Variants in STS observed in about 807,000 individuals in gnomAD.
The protein encoded by STS is steryl-sulfatase.
In STS, 7 loss-of-function variants were observed where a neutral mutation model predicts 26.8. That is an observed-to-expected ratio of 0.26 (90% CI 0.15 to 0.49). The LOEUF is 0.49. Ranked by LOEUF, STS falls within the 20% of genes least tolerant of loss-of-function variation. The pLI, the probability that STS is intolerant of heterozygous loss-of-function variation, is 0.98. For missense variants in STS, 434 were observed against 465.6 expected, an observed-to-expected ratio of 0.93 and a Z score of 0.63; for synonymous variants, 199 against 189.4, an observed-to-expected ratio of 1.05 and a Z score of -0.42.
intron 10 of STS, 116 bp from the exon 11 acceptor site, chrX:7,349,772 T>G: frequency 4.8e-6 from 5 of 1,032,347 alleles, no homozygotes; most frequent in Non-Finnish European, 6.8e-6. Flanking sequence ...TGCAGCCTTA[T>G]GATATCTTCA....
At chrX:7,223,173 A>G (rs1921650245) in intron 2 of STS, among the ~76,000 whole-genome samples, 2 of 111,627 alleles carry the variant, frequency 1.8e-5, no homozygotes, top group Non-Finnish European at 3.8e-5. Flanking sequence ...GGTTGATTCC[A>G]TATCTTTGGT....
chrX:7,269,466 A>C (rs746292264), intron 6 of STS, among the ~76,000 whole-genome samples: 1 of 108,303 alleles, frequency 9.2e-6, no homozygotes, highest in Admixed American at 1.0e-4. Flanking sequence ...TCTTTCTGGG[A>C]GCAAATTCTG....
chrX:7,177,903 G>A (rs1448110015), intron 1 of STS, among the ~76,000 whole-genome samples: 1 of 110,970 alleles, frequency 9.0e-6, no homozygotes, highest in Non-Finnish European at 1.9e-5. Context: ...GGGCTCAAGT[G>A]ATTCTTTCAC....
At chrX:7,153,313 C>T (rs1336878106) in intron 1 of STS, among the ~76,000 whole-genome samples, 2 of 98,538 alleles carry the variant, frequency 2.0e-5, no homozygotes, top group Admixed American at 1.1e-4. Context: ...CTCTCCTTCC[C>T]TCCCTTCCTT....
At position 7,354,210 on chromosome X, in the gene STS, G is replaced by A. The variant is rs1189456491; in HGVS notation, c.*3949G>A. The A allele has an allele frequency of 1.8e-5, 2 of 111,012 alleles. No individual in the cohort carries two copies. Among genetic ancestry groups the A allele is most frequent in the Non-Finnish European group, 3.8e-5 (2 of 53,000 alleles). The allele number at this position is 111,012 out of a possible 1,213,427, so 9.1% of individuals were successfully genotyped here. A position where few individuals can be genotyped will look rare whatever the true frequency, so the allele number is the denominator to read the frequency against. ...CCTTCAGCTAGAATCCTGTTAGGTCGGTTTAGATGAATGCTCCCTGATATT... is the reference window on the plus strand; with the variant it reads ...CCTTCAGCTAGAATCCTGTTAGGTCAGTTTAGATGAATGCTCCCTGATATT... On this transcript the variant is annotated 3_prime_UTR_variant, in exon 11 of 11. Transcript: ENST00000674429.
chrX:7,324,669 G>C (rs1258491149), intron 8 of STS, among the ~76,000 whole-genome samples: 2 of 111,525 alleles, frequency 1.8e-5, no homozygotes, highest in African/African-American at 6.5e-5. Flanking sequence ...AATTCCAAAA[G>C]AAGGAGGGTA....
At chrX:7,251,418 G>A (rs1003524652) in intron 2 of STS, among the ~76,000 whole-genome samples, 4 of 111,743 alleles carry the variant, frequency 3.6e-5, no homozygotes, top group Non-Finnish European at 7.5e-5. Flanking sequence ...GATGTCCAGT[G>A]TCCTTAGTGA....
In STS at chrX:7,225,524, G is replaced by C. The variant is rs144613477; in HGVS notation, c.-4-27672G>C. On this transcript the variant is annotated intron_variant, in intron 2 of 10. Transcript: ENST00000674429. ...AACACATATGAAGTGTTGCCTACAA[G>C]GGAAGCTGGTTAGAGACTCAGTGCC... is the stretch of plus-strand genomic sequence containing the variant. 7.2e-5 allele frequency among the ~76,000 whole-genome samples: 8 copies of C among 111,798 alleles called. No individual in the cohort carries two copies. The East Asian group carries it at 2.0e-3, about 28-fold the overall frequency.
chrX:7,320,712 G>A (rs1472868824), intron 8 of STS, among the ~76,000 whole-genome samples: 3 of 111,575 alleles, frequency 2.7e-5, no homozygotes, highest in African/African-American at 6.5e-5. Context: ...AATGAACTAC[G>A]GCAAAGTAGT....
At chrX:7,292,918 A>T (rs1413459198) in intron 7 of STS, among the ~76,000 whole-genome samples, 1 of 111,184 alleles carries the variant, frequency 9.0e-6, no homozygotes, top group Non-Finnish European at 1.9e-5. Context: ...ATGCTTCCTG[A>T]CTTCAAACTA....
At chrX:7,221,375 ACAGGCTCAGTAACCTCT>A (rs1446567658) in intron 2 of STS, among the ~76,000 whole-genome samples, 1 of 112,644 alleles carries the variant, frequency 8.9e-6, no homozygotes, top group East Asian at 2.8e-4. Flanking sequence ...GCTGTATAGC[ACAGGCTCAGTAACCTCT>A]CTGGTTCGGT....
In STS at chrX:7,289,517, C is replaced by G. The variant is rs182899821; in HGVS notation, c.943+13430C>G. Among the ~76,000 whole-genome samples, 218 of 111,452 alleles carry G rather than the reference C, an allele frequency of 2.0e-3. 1 individual carries two copies. Among genetic ancestry groups the G allele is most frequent in the African/African-American group, 6.5e-3 (199 of 30,681 alleles). On this transcript the variant is annotated intron_variant, in intron 7 of 10. Coordinates refer to ENST00000674429, the MANE Select transcript of STS (RefSeq NM_001320752.2). ...TTTGCTCCCACATGTCTTCCCCAAG[C>G]AGTGAGGAGGGAGCAGCTGGCTGGT...
intron 1 of STS, among the ~76,000 whole-genome samples, chrX:7,154,044 C>T (rs1252860546): frequency 1.8e-5 from 2 of 111,076 alleles, no homozygotes; most frequent in Non-Finnish European, 3.8e-5. Flanking sequence ...GTAGCTCCCT[C>T]TCTCCAGGAC....
At chrX:7,275,537 T>C (rs1924487663) in intron 6 of STS, among the ~76,000 whole-genome samples, 1 of 111,902 alleles carries the variant, frequency 8.9e-6, no homozygotes, top group Non-Finnish European at 1.9e-5. Context: ...TGTGTGTATG[T>C]GTATTTGTGT....
intron 2 of STS, among the ~76,000 whole-genome samples, chrX:7,238,121 GGTGTGTGTGTGTGTGTGTGT>G (rs55819541): frequency 4.5e-5 from 4 of 88,523 alleles, no homozygotes; most frequent in Non-Finnish European, 8.7e-5. Flanking sequence ...AGTATTCCAT[GGTGTGTGTGTGTGTGTGTGT>G]GTGTGTGTGT....
chrX:7,147,339 T>C (rs1932887822), upstream of STS, among the ~76,000 whole-genome samples: 1 of 111,588 alleles, frequency 9.0e-6, no homozygotes. Context: ...TCTGTGCCTC[T>C]ACACTGTTGA....
intron 1 of STS, among the ~76,000 whole-genome samples, chrX:7,171,439 G>A (rs1022882995): frequency 9.0e-5 from 10 of 111,628 alleles, no homozygotes; most frequent in Non-Finnish European, 1.3e-4. Context: ...ACAGAAATGG[G>A]CAGAGGATGG....
intron 2 of STS, among the ~76,000 whole-genome samples, chrX:7,215,085 ACG>A (rs1422820948): frequency 1.1e-5 from 1 of 91,606 alleles, no homozygotes; most frequent in East Asian, 3.3e-4. Flanking sequence ...ATATATGTAT[ACG>A]TATATATGTG....
At chrX:7,286,719 T>G (rs1333187278) in intron 7 of STS, among the ~76,000 whole-genome samples, 2 of 111,789 alleles carry the variant, frequency 1.8e-5, no homozygotes, top group African/African-American at 3.2e-5. Context: ...ACGTATTTAA[T>G]AAAGAGACAG....
Sources: gnomAD v4.1 joint callset for allele counts (sites outside exome capture counted in the v4.1 genomes callset) on GRCh38, gnomAD v4.1.1 for gene constraint, MANE v1.5 for transcripts, NCBI Gene and HGNC (gene_info 2026-07-23, HGNC 2026-07-21) for gene names.